Variants in ESCO1 observed in about 807,000 individuals in gnomAD.
ESCO1 encodes the protein N-acetyltransferase ESCO1.
Under a neutral mutation model 83.5 loss-of-function variants are expected in ESCO1, and 33 were observed. The ratio of observed to expected loss-of-function variants is 0.40; its 90% confidence interval spans 0.30 to 0.53. ESCO1 has a LOEUF of 0.53. Ranked by LOEUF, ESCO1 falls within the 20% of genes least tolerant of loss-of-function variation. The probability of loss-of-function intolerance (pLI) is 0.63; values close to 1 mark genes in which losing one functional copy is unlikely to be tolerated. For missense variants in ESCO1, 855 were observed against 968.0 expected (o/e 0.88, Z 1.55); for synonymous variants, 332 against 324.3 (o/e 1.02, Z -0.25).
intron 8 of ESCO1, among the ~76,000 whole-genome samples, chr18:21,542,389 T>C (rs2037917965): frequency 6.6e-6 from 1 of 152,144 alleles, no homozygotes; most frequent in Non-Finnish European, 1.5e-5. Flanking sequence ...TAAGTAACTC[T>C]AGAGTAAAAG....
At chr18:21,536,772 T>G (rs544424200) in intron 9 of ESCO1, among the ~76,000 whole-genome samples, 1 of 152,108 alleles carries the variant, frequency 6.6e-6, no homozygotes, top group Admixed American at 6.6e-5. Flanking sequence ...ACATTAAGAC[T>G]TCCTATTAGA....
chr18:21,553,673 C>T (rs1314315021), intron 8 of ESCO1, among the ~76,000 whole-genome samples: 2 of 151,662 alleles, frequency 1.3e-5, no homozygotes, highest in East Asian at 1.9e-4. Context: ...GCCTGACCAA[C>T]ATGGAGAAAC....
At chr18:21,581,521 G>A (rs1195605723) in intron 2 of ESCO1, among the ~76,000 whole-genome samples, 1 of 151,716 alleles carries the variant, frequency 6.6e-6, no homozygotes, top group East Asian at 1.9e-4. Flanking sequence ...TGAGGCAGGA[G>A]AATCGTTGGA....
At chr18:21,541,380 G>A (rs973327593) in intron 8 of ESCO1, among the ~76,000 whole-genome samples, 1 of 152,008 alleles carries the variant, frequency 6.6e-6, no homozygotes, top group Non-Finnish European at 1.5e-5. Context: ...AGATCACAAG[G>A]TCAGGAGATT....
intron 2 of ESCO1, among the ~76,000 whole-genome samples, chr18:21,579,795 C>T (rs1353155864): frequency 9.5e-5 from 1 of 10,564 alleles, no homozygotes; most frequent in African/African-American, 1.3e-4. Context: ...CGCGCGCGCG[C>T]ACACACACAC....
intron 6 of ESCO1, among the ~76,000 whole-genome samples, chr18:21,565,224 T>C (rs2038243534): frequency 6.6e-6 from 1 of 152,258 alleles, no homozygotes; most frequent in South Asian, 2.1e-4. Flanking sequence ...TTTTAAGTTT[T>C]ATAGTTTTAG....
chr18:21,538,570 A>C (rs1469824302), intron 9 of ESCO1, among the ~76,000 whole-genome samples: 1 of 152,214 alleles, frequency 6.6e-6, no homozygotes, highest in Non-Finnish European at 1.5e-5. Context: ...CAGAGTATCT[A>C]AAGTTAAGAA....
At chr18:21,579,793 C>CAA (rs2038472313) in intron 2 of ESCO1, among the ~76,000 whole-genome samples, 1 of 11,464 alleles carries the variant, frequency 8.7e-5, no homozygotes, top group Non-Finnish European at 8.0e-4. Context: ...CACGCGCGCG[C>CAA]GCACACACAC....
chr18:21,582,548 T>C (rs2038517149), intron 2 of ESCO1, among the ~76,000 whole-genome samples: 1 of 152,180 alleles, frequency 6.6e-6, no homozygotes, highest in Non-Finnish European at 1.5e-5. Flanking sequence ...AAATATTTGT[T>C]TTCACGTGAG....
At chr18:21,585,166 A>T (rs1438751226) in intron 1 of ESCO1, among the ~76,000 whole-genome samples, 1 of 151,980 alleles carries the variant, frequency 6.6e-6, no homozygotes, top group Non-Finnish European at 1.5e-5. Flanking sequence ...AAACTTACAC[A>T]ACTGCATGGT....
intron 1 of ESCO1, among the ~76,000 whole-genome samples, chr18:21,587,715 T>C (rs958185607): frequency 6.6e-5 from 10 of 151,982 alleles, no homozygotes; most frequent in South Asian, 6.2e-4. Context: ...GGTGGGAGAA[T>C]TGCCTGAGCC....
chr18:21,591,927 C>T (rs561923255), intron 1 of ESCO1, among the ~76,000 whole-genome samples: 9 of 151,114 alleles, frequency 6.0e-5, no homozygotes, highest in African/African-American at 2.2e-4. Context: ...TTGCACTGCC[C>T]TTAATCCATT....
rs143378836 is a variant in ESCO1 at position 21,535,126 on chromosome 18, A to T, written c.2187+916T>A. On this transcript the variant is annotated intron_variant, in intron 10 of 11. Coordinates refer to ENST00000269214, the MANE Select transcript of ESCO1 (RefSeq NM_052911.3). The stretch of plus-strand genomic sequence containing the variant: ...GCCCACTCTAGTTCGCCTAGCCTTG[A>T]CTTACTCCAGTGCTAGAGGGACTAA... Among the ~76,000 whole-genome samples, 3 of 152,280 alleles carry T rather than the reference A, an allele frequency of 2.0e-5. No individual in the cohort carries two copies. In the East Asian group the frequency reaches 5.8e-4, roughly 29 times the overall value.
In ESCO1 at chr18:21,575,083, A is replaced by C. The variant is rs548579548; in HGVS notation, c.-240T>G. 1.9e-5 allele frequency: 7 copies of C among 377,864 alleles called. No homozygotes were observed. The highest frequency in any genetic ancestry group is 6.9e-4 in the Middle Eastern group (1 of 1,446). 23.4% of individuals were successfully genotyped at this position (377,864 alleles called of 1,614,324 possible). On this transcript the variant is annotated 5_prime_UTR_variant, in exon 4 of 12. Transcript: ENST00000269214. The stretch of plus-strand genomic sequence containing the variant: ...AAAGACACTTGCTTTACTTTGGACA[A>C]GGTAATAAAAATTTGAGGAAAATTT...
Position 21,530,469 on chromosome 18 carries a change from T to C in ESCO1, c.2397A>G (p.Ser799=), listed in dbSNP as rs758807536. 2.1e-6 allele frequency: 3 copies of C among 1,432,186 alleles called. No individual in the cohort carries two copies. Among genetic ancestry groups the C allele is most frequent in the Non-Finnish European group, 9.3e-7 (1 of 1,071,964 alleles). The allele number at this position is 1,432,186 out of a possible 1,614,324, so 88.7% of individuals were successfully genotyped here. ...ECLRSNFIYG[S]YLSKEEIAFS... is the part of the protein sequence containing the mutation. ...AAGCAATTTCTTCTTTGCTCAAATA[T>C]GAGCCATATATAAAGTTACTCCTAT... Residue 799 remains serine (S), a synonymous_variant, in exon 12 of 12, where the codon TCA becomes TCG. Transcript: ENST00000269214.
chr18:21,591,565 T>G (rs1025476550), intron 1 of ESCO1, among the ~76,000 whole-genome samples: 10 of 152,220 alleles, frequency 6.6e-5, no homozygotes, highest in Non-Finnish European at 1.5e-4. Context: ...CATTGTTGTA[T>G]TCCTACTGAT....
intron 8 of ESCO1, 32 bp from the exon 9 acceptor site, chr18:21,540,041 T>C (rs758033533): frequency 1.3e-6 from 2 of 1,484,066 alleles, no homozygotes; most frequent in Non-Finnish European, 1.8e-6. Flanking sequence ...TACACACATA[T>C]GTAAAGTATG....
rs1434819359 is a variant in ESCO1, at chr18:21,579,780, A to ACGCG, written c.-693-4004_-693-4003insCGCG. ...AACAGAGCGAGATTCTGACACACAC[A>ACGCG]CACACGCGCGCGCGCACACACACAC... On this transcript the variant is annotated intron_variant, in intron 2 of 11. Coordinates refer to ENST00000269214, the MANE Select transcript of ESCO1 (RefSeq NM_052911.3). Among the ~76,000 whole-genome samples the ACGCG allele has an allele frequency of 1.8e-3, 91 of 51,984 alleles. 1 individual carries two copies. Among genetic ancestry groups the ACGCG allele is most frequent in the African/African-American group, 5.4e-3 (89 of 16,524 alleles). 34.1% of individuals were successfully genotyped at this position (51,984 alleles called of 152,430 possible). A position where few individuals can be genotyped will look rare whatever the true frequency, so the allele number is the denominator to read the frequency against.
At chr18:21,560,476 A>G (rs9946221) in intron 8 of ESCO1, among the ~76,000 whole-genome samples, 1,712 of 152,134 alleles carry the variant, frequency 0.011, 38 homozygotes, top group African/African-American at 0.039. Flanking sequence ...ACCTATCACG[A>G]TCAATCTCCA....
Sources: gnomAD v4.1 joint callset for allele counts (sites outside exome capture counted in the v4.1 genomes callset) on GRCh38, gnomAD v4.1.1 for gene constraint, MANE v1.5 for transcripts, NCBI Gene and HGNC (gene_info 2026-07-23, HGNC 2026-07-21) for gene names.